The following MACROD2 variants were observed in gnomAD, a reference collection of about 807,000 sequenced individuals.
MACROD2 encodes the protein mono-ADP ribosylhydrolase 2.
In MACROD2, 36 loss-of-function variants were observed where a neutral mutation model predicts 70.4. That is an observed-to-expected ratio of 0.51 (90% confidence interval 0.39 to 0.68). The LOEUF (loss-of-function observed/expected upper bound fraction) is 0.68, where lower values mean the gene tolerates loss of function less well. Among genes scored for constraint, MACROD2 ranks in the 30% least tolerant of loss-of-function variants. The pLI, the probability that MACROD2 is intolerant of heterozygous loss-of-function variation, is 0.00. For synonymous variants in MACROD2, 172 were observed against 178.8 expected (o/e 0.96, Z 0.30); for missense variants, 496 against 538.4 (o/e 0.92, Z 0.78).
chr20:15,391,912 G>T (rs2045797902), intron 6 of MACROD2, among the ~76,000 whole-genome samples: 1 of 152,040 alleles, frequency 6.6e-6, no homozygotes, highest in Non-Finnish European at 1.5e-5. Flanking sequence ...AAGCCTAGAG[G>T]TTATCAAACT....
At chr20:15,867,246 A>T (rs1008965954) in intron 9 of MACROD2, among the ~76,000 whole-genome samples, 2 of 152,226 alleles carry the variant, frequency 1.3e-5, no homozygotes, top group African/African-American at 4.8e-5. Flanking sequence ...AAATACAGTC[A>T]TATTCTAAGA....
At chr20:15,639,672 G>A (rs1333114917) in intron 8 of MACROD2, among the ~76,000 whole-genome samples, 1 of 152,158 alleles carries the variant, frequency 6.6e-6, no homozygotes, top group Non-Finnish European at 1.5e-5. Context: ...CCAATGATGG[G>A]TATCTCTCCA....
At chr20:14,883,525 C>T (rs2073635016) in intron 5 of MACROD2, among the ~76,000 whole-genome samples, 1 of 151,946 alleles carries the variant, frequency 6.6e-6, no homozygotes, top group African/African-American at 2.4e-5. Context: ...TCTAATAAAA[C>T]TACTTTAATC....
At chr20:14,814,325 G>C (rs1052425583) in intron 5 of MACROD2, among the ~76,000 whole-genome samples, 2 of 152,076 alleles carry the variant, frequency 1.3e-5, no homozygotes, top group Middle Eastern at 3.4e-3. Flanking sequence ...CATATGAAGA[G>C]GAATAAGAGA....
At chr20:14,888,917 C>G (rs2073715556) in intron 5 of MACROD2, among the ~76,000 whole-genome samples, 2 of 152,076 alleles carry the variant, frequency 1.3e-5, no homozygotes, top group Non-Finnish European at 2.9e-5. Flanking sequence ...AATAATCCTT[C>G]TTCATAGAGG....
chr20:14,996,239 G>T (rs1253285701), intron 5 of MACROD2, among the ~76,000 whole-genome samples: 3 of 152,202 alleles, frequency 2.0e-5, no homozygotes, highest in African/African-American at 7.2e-5. Flanking sequence ...ATGGCTGCTA[G>T]CCTTGGCTGT....
At chr20:14,218,903 C>A (rs1452009654) in intron 3 of MACROD2, among the ~76,000 whole-genome samples, 1 of 152,194 alleles carries the variant, frequency 6.6e-6, no homozygotes, top group Non-Finnish European at 1.5e-5. Context: ...GGGAAATCTG[C>A]TGTTAATCTG....
intron 5 of MACROD2, among the ~76,000 whole-genome samples, chr20:15,111,735 G>A (rs958293049): frequency 6.6e-6 from 1 of 152,312 alleles, no homozygotes; most frequent in East Asian, 1.9e-4. Flanking sequence ...TGTAGCTTTT[G>A]TTTTAGAGAG....
chr20:14,219,064 G>A (rs1210921806), intron 3 of MACROD2, among the ~76,000 whole-genome samples: 1 of 152,186 alleles, frequency 6.6e-6, no homozygotes, highest in African/African-American at 2.4e-5. Flanking sequence ...TGCTTCATGT[G>A]TTTGGATGTC....
intron 5 of MACROD2, chr20:14,888,493 A>G (rs1281645691): frequency 6.6e-6 from 1 of 152,222 alleles, no homozygotes; most frequent in Non-Finnish European, 1.5e-5. Context: ...ATTTGCCTGT[A>G]GAAATTTTAC....
At chr20:14,249,922 A>G (rs987661836) in intron 3 of MACROD2, among the ~76,000 whole-genome samples, 4 of 152,264 alleles carry the variant, frequency 2.6e-5, no homozygotes, top group Non-Finnish European at 4.4e-5. Context: ...ATAGCAGTAT[A>G]AAATGTTCAT....
chr20:14,740,622 A>G (rs2123718464), intron 5 of MACROD2, among the ~76,000 whole-genome samples: 1 of 152,330 alleles, frequency 6.6e-6, no homozygotes, highest in South Asian at 2.1e-4. Flanking sequence ...AGATGCTTAC[A>G]CTGAAAGCAA....
At chr20:15,146,565 C>T (rs568957336) in intron 5 of MACROD2, among the ~76,000 whole-genome samples, 1 of 152,246 alleles carries the variant, frequency 6.6e-6, no homozygotes, top group Admixed American at 6.5e-5. Context: ...AGCAAGATCT[C>T]CTCAACTTTC....
chr20:14,330,207 T>C (rs1323010862), intron 3 of MACROD2, among the ~76,000 whole-genome samples: 1 of 152,054 alleles, frequency 6.6e-6, no homozygotes, highest in Non-Finnish European at 1.5e-5. Flanking sequence ...AAGAAGACTT[T>C]TGGCTTGACT....
intron 6 of MACROD2, among the ~76,000 whole-genome samples, chr20:15,305,488 G>T (rs2077688824): frequency 6.6e-6 from 1 of 152,118 alleles, no homozygotes; most frequent in South Asian, 2.1e-4. Context: ...ATTGTTTGCT[G>T]GGGTTTTTTT....
chr20:15,907,795 A>T (rs2065170328), intron 10 of MACROD2, among the ~76,000 whole-genome samples: 1 of 152,228 alleles, frequency 6.6e-6, no homozygotes. Context: ...TCTAAAGAGT[A>T]GAGGTCAGGA....
chr20:15,654,353 C>G (rs1289838709), intron 8 of MACROD2, among the ~76,000 whole-genome samples: 1 of 152,144 alleles, frequency 6.6e-6, no homozygotes, highest in Non-Finnish European at 1.5e-5. Context: ...GTGCCATTGT[C>G]AATACCTCTT....
At chr20:15,903,469 C>G (rs1024314193) in intron 10 of MACROD2, among the ~76,000 whole-genome samples, 11 of 152,102 alleles carry the variant, frequency 7.2e-5, no homozygotes, top group Admixed American at 2.6e-4. Flanking sequence ...CACTGGAGGC[C>G]TATCCTGGAG....
intron 8 of MACROD2, among the ~76,000 whole-genome samples, chr20:15,516,639 C>T (rs1379843106): frequency 6.6e-6 from 1 of 152,116 alleles, no homozygotes; most frequent in African/African-American, 2.4e-5. Context: ...TTTCCTGGGG[C>T]TTTTTCTTTT....
Sources: gnomAD v4.1 joint callset for allele counts (sites outside exome capture counted in the v4.1 genomes callset) on GRCh38, gnomAD v4.1.1 for gene constraint, MANE v1.5 for transcripts, NCBI Gene and HGNC (gene_info 2026-07-23, HGNC 2026-07-21) for gene names.